CSMD1: variants seen among roughly 807,000 people sequenced by gnomAD.
CSMD1 encodes CUB and sushi domain-containing protein 1.
In CSMD1, 213 loss-of-function variants were observed where a neutral mutation model predicts 417.5. That is an observed-to-expected ratio of 0.51 (90% CI 0.46 to 0.57). The LOEUF (loss-of-function observed/expected upper bound fraction) is 0.57, where lower values mean the gene tolerates loss of function less well. Ranked by LOEUF, CSMD1 falls within the 20% of genes least tolerant of loss-of-function variation. CSMD1 has a pLI of 0.00. For synonymous variants in CSMD1, 2,862 were observed against 1,736.8 expected, an observed-to-expected ratio of 1.65 and a Z score of -16.11; for missense variants, 6,923 against 4,529.7, an observed-to-expected ratio of 1.53 and a Z score of -15.17.
rs568800731 is a variant in CSMD1 at position 4,788,131 on chromosome 8, C to G, written c.86-150573G>C. ...TGCAGGGTTGTAGTGTTGATGGGCT[C>G]TACTTCTGATCTTGGTCACTGTGAA... On this transcript the variant is annotated intron_variant, in intron 1 of 69. Transcript: ENST00000635120. 5.6e-6 allele frequency: 9 copies of G among 1,603,284 alleles called. No individual in the cohort carries two copies. In the Admixed American group the frequency reaches 1.0e-4, roughly 18 times the overall value.
intron 3 of CSMD1, among the ~76,000 whole-genome samples, chr8:4,134,366 A>T (rs1031540238): frequency 2.6e-5 from 4 of 152,210 alleles, no homozygotes; most frequent in Non-Finnish European, 4.4e-5. Context: ...TTTTATTCTT[A>T]TATGAAGAAA....
intron 3 of CSMD1, among the ~76,000 whole-genome samples, chr8:4,075,383 A>G (rs1799769018): frequency 6.6e-6 from 1 of 152,170 alleles, no homozygotes; most frequent in Admixed American, 6.5e-5. Flanking sequence ...ATGCTAAAGA[A>G]CAGAAAAAAC....
chr8:4,250,983 C>A (rs1032091785), intron 3 of CSMD1, among the ~76,000 whole-genome samples: 2 of 152,144 alleles, frequency 1.3e-5, no homozygotes, highest in African/African-American at 4.8e-5. Context: ...ATTGATTAGA[C>A]ACTGATATTT....
intron 3 of CSMD1, among the ~76,000 whole-genome samples, chr8:4,274,922 G>A (rs116617227): frequency 9.3e-4 from 142 of 152,168 alleles, no homozygotes; most frequent in African/African-American, 3.2e-3. Context: ...GTTGTGTCTT[G>A]GCCACATTCA....
At chr8:4,704,075 C>G (rs1471465378) in intron 1 of CSMD1, among the ~76,000 whole-genome samples, 3 of 152,198 alleles carry the variant, frequency 2.0e-5, no homozygotes, top group Admixed American at 2.0e-4. Context: ...CCTCCAGCTA[C>G]GCAGACTGGT....
chr8:4,234,423 G>A (rs1801926110), intron 3 of CSMD1, among the ~76,000 whole-genome samples: 1 of 152,008 alleles, frequency 6.6e-6, no homozygotes, highest in Non-Finnish European at 1.5e-5. Flanking sequence ...GCTCTTCCAT[G>A]GAAACTACCT....
chr8:3,188,338 C>T (rs1223821800), intron 35 of CSMD1, among the ~76,000 whole-genome samples: 2 of 94,240 alleles, frequency 2.1e-5, no homozygotes, highest in East Asian at 3.6e-4. Context: ...ATGGAGTCTT[C>T]CTCTGTCACC....
intron 2 of CSMD1, among the ~76,000 whole-genome samples, chr8:4,465,858 C>A (rs1243241382): frequency 2.0e-5 from 3 of 152,184 alleles, no homozygotes; most frequent in African/African-American, 7.2e-5. Context: ...CTATCCTCTT[C>A]ACAGGTGATT....
At chr8:4,384,951 TC>T (rs1292573469) in intron 3 of CSMD1, among the ~76,000 whole-genome samples, 1 of 152,132 alleles carries the variant, frequency 6.6e-6, no homozygotes, top group African/African-American at 2.4e-5. Flanking sequence ...TCAGGAAATT[TC>T]CTCTGTCACC....
At chr8:4,264,923 C>T (rs1301675524) in intron 3 of CSMD1, among the ~76,000 whole-genome samples, 1 of 152,140 alleles carries the variant, frequency 6.6e-6, no homozygotes, top group African/African-American at 2.4e-5. Context: ...AGTCCCATTT[C>T]TAAACTTCTA....
At chr8:3,812,298 C>G (rs1467977255) in intron 5 of CSMD1, among the ~76,000 whole-genome samples, 1 of 152,154 alleles carries the variant, frequency 6.6e-6, no homozygotes, top group Admixed American at 6.5e-5. Context: ...TCTAATCTCA[C>G]AGGGTCCTTT....
At chr8:4,774,119 G>C (rs922141246) in intron 1 of CSMD1, among the ~76,000 whole-genome samples, 2 of 152,178 alleles carry the variant, frequency 1.3e-5, no homozygotes, top group African/African-American at 4.8e-5. Context: ...GGGTTCACTT[G>C]AACCCAGGAG....
intron 32 of CSMD1, among the ~76,000 whole-genome samples, chr8:3,200,892 A>T (rs1199432408): frequency 6.6e-6 from 1 of 152,184 alleles, no homozygotes; most frequent in African/African-American, 2.4e-5. Flanking sequence ...CAAATTAGTA[A>T]ATGTACCCAG....
At chr8:4,589,388 AC>A (rs1386282959) in intron 2 of CSMD1, among the ~76,000 whole-genome samples, 1 of 152,194 alleles carries the variant, frequency 6.6e-6, no homozygotes, top group Non-Finnish European at 1.5e-5. Context: ...GGGACTCTGA[AC>A]CAAAAACCAA....
chr8:4,301,986 A>T (rs935684648), intron 3 of CSMD1, among the ~76,000 whole-genome samples: 2 of 152,206 alleles, frequency 1.3e-5, no homozygotes, highest in Admixed American at 1.3e-4. Context: ...TCCTGTTCAG[A>T]TATGTTAGAA....
rs148818216 is a variant in CSMD1, at chr8:3,740,905, G to C, written c.931+13025C>G. On this transcript the variant is annotated intron_variant, in intron 6 of 69. Coordinates refer to ENST00000635120, the MANE Select transcript of CSMD1 (RefSeq NM_033225.6). ...TCAGCTTCTGTGCCCAGGGGTGGGA[G>C]GAAACTGGGATCAGAAGAAGATAGA... Among the ~76,000 whole-genome samples, 8 of 152,150 alleles carry C rather than the reference G, an allele frequency of 5.3e-5. No homozygotes were observed. In the East Asian group the frequency reaches 1.6e-3, roughly 30 times the overall value.
intron 1 of CSMD1, among the ~76,000 whole-genome samples, chr8:4,685,997 C>G (rs549292011): frequency 2.0e-5 from 3 of 152,154 alleles, no homozygotes; most frequent in Non-Finnish European, 4.4e-5. Flanking sequence ...GATTTTAAAA[C>G]CTTATTTTCT....
At chr8:4,879,179 G>T (rs564617876) in intron 1 of CSMD1, among the ~76,000 whole-genome samples, 1 of 151,978 alleles carries the variant, frequency 6.6e-6, no homozygotes, top group African/African-American at 2.4e-5. Context: ...AAGGAGAATA[G>T]GCAGGCACAG....
chr8:4,397,230 T>C (rs1039251667), intron 3 of CSMD1, among the ~76,000 whole-genome samples: 5 of 151,020 alleles, frequency 3.3e-5, no homozygotes, highest in Non-Finnish European at 7.4e-5. Flanking sequence ...CTCCCTTCTG[T>C]TTATTTAGCG....
Sources: allele counts gnomAD v4.1 joint callset (sites outside exome capture counted in the v4.1 genomes callset), GRCh38; gene constraint gnomAD v4.1.1; transcripts MANE v1.5; gene names NCBI Gene and HGNC (gene_info 2026-07-23, HGNC 2026-07-21).